TNRC6C: variants seen among roughly 807,000 people sequenced by gnomAD.
TNRC6C encodes trinucleotide repeat containing adaptor 6C, also known as trinucleotide repeat-containing gene 6C protein.
A neutral mutation model predicts 153.7 loss-of-function variants in TNRC6C; 20 were observed. That is an observed-to-expected ratio of 0.13 (90% CI 0.09 to 0.19). The LOEUF (loss-of-function observed/expected upper bound fraction) is 0.19, where lower values mean the gene tolerates loss of function less well. TNRC6C is among the 10% of genes least tolerant of loss of function. The probability of loss-of-function intolerance (pLI) is 1.00; values close to 1 mark genes in which losing one functional copy is unlikely to be tolerated. For missense variants in TNRC6C, 1,987 were observed against 2,172.0 expected (o/e 0.91, Z 1.69); for synonymous variants, 811 against 841.4 (o/e 0.96, Z 0.63).
chr17:78,097,548 C>T (rs1375320088), intron 16 of TNRC6C, among the ~76,000 whole-genome samples, 197 bp from the exon 19 acceptor site: 2 of 152,184 alleles, frequency 1.3e-5, no homozygotes, highest in Admixed American at 1.3e-4. Flanking sequence ...CCCAGGCCTC[C>T]CTGAGTGGGT....
rs780337093 is a variant in TNRC6C at position 78,093,134 on chromosome 17, T to C, written c.4162+10T>C. 2 of 1,611,670 alleles carry C rather than the reference T, an allele frequency of 1.2e-6. No individual in the cohort carries two copies. Among genetic ancestry groups the C allele is most frequent in the Non-Finnish European group, 1.7e-6 (2 of 1,179,472 alleles). On this transcript the variant is annotated intron_variant, in intron 15 of 19. Coordinates refer to ENST00000301624, the Ensembl canonical transcript of TNRC6C. ...ATCAACTGGCCCCCAGGTAAGACCA[T>C]GCAACACTTCTGTGCAACAGCAGCA...
chr17:78,019,354 A>G (rs552519095), intron 1 of TNRC6C, among the ~76,000 whole-genome samples: 67 of 152,336 alleles, frequency 4.4e-4, no homozygotes, highest in South Asian at 1.2e-3. Flanking sequence ...CAAGTTCTCC[A>G]AAGTCTGAAG....
At chr17:78,034,363 G>A (rs2072137592) in intron 2 of TNRC6C, among the ~76,000 whole-genome samples, 1 of 151,922 alleles carries the variant, frequency 6.6e-6, no homozygotes, top group Admixed American at 6.6e-5. Context: ...CAGCCTCCAT[G>A]GCCTACTTTC....
chr17:78,072,008 C>G (rs980987861), intron 6 of TNRC6C, among the ~76,000 whole-genome samples: 1 of 152,200 alleles, frequency 6.6e-6, no homozygotes, highest in African/African-American at 2.4e-5. Flanking sequence ...GCCATGTATT[C>G]GCTTCATGGG....
At chr17:78,028,083 A>ATTTTT (rs2071980123) in intron 1 of TNRC6C, among the ~76,000 whole-genome samples, 3 of 152,130 alleles carry the variant, frequency 2.0e-5, no homozygotes, top group Middle Eastern at 3.4e-3. Context: ...TATTTTTAGT[A>ATTTTT]GAGACAGGGT....
exon 20 of TNRC6C, chr17:78,108,259 C>T (rs902302145): frequency 6.5e-5 from 10 of 154,442 alleles, no homozygotes; most frequent in African/African-American, 2.4e-4. Flanking sequence ...TGGCCCCCCC[C>T]CACCCATGGG....
intron 3 of TNRC6C, among the ~76,000 whole-genome samples, chr17:78,060,720 CTTAA>C (rs1158336984): frequency 6.6e-6 from 1 of 152,112 alleles, no homozygotes; most frequent in Non-Finnish European, 1.5e-5. Flanking sequence ...ATCATATACT[CTTAA>C]TTAATTACAA....
intron 13 of TNRC6C, among the ~76,000 whole-genome samples, chr17:78,090,507 T>C (rs1567962585): frequency 6.6e-6 from 1 of 152,212 alleles, no homozygotes; most frequent in Non-Finnish European, 1.5e-5. Flanking sequence ...TAAGGGGAAC[T>C]GCAGCTGGAA....
At chr17:78,066,150 G>C (rs1173666289) in intron 4 of TNRC6C, 2 of 151,648 alleles carry the variant, frequency 1.3e-5, no homozygotes, top group African/African-American at 4.9e-5. Flanking sequence ...AGAATCGCTT[G>C]AACCCGGGAG....
chr17:78,104,548 C>T lies in TNRC6C; in HGVS notation c.4776C>T (p.Phe1592=). 6.5e-7 allele frequency: 1 copy of T among 1,549,314 alleles called. No individual in the cohort carries two copies. Among genetic ancestry groups the T allele is most frequent in the Non-Finnish European group, 8.7e-7 (1 of 1,145,066 alleles). Residue 1592 remains phenylalanine (F), a synonymous_variant, in exon 20 of 20, where the codon TTC becomes TTT. Transcript: ENST00000301624. This position sits in a 1 kb window ranked among gnomAD's most constrained non-coding sequence, Gnocchi z 6.2. Reference sequence around the variant, plus strand: ...CTGGTGAAGAAGAAGTGAATCGCTTCTTAGCCCAAGGCCAGGCGCTGCCAC... The same window carrying T: ...CTGGTGAAGAAGAAGTGAATCGCTTTTTAGCCCAAGGCCAGGCGCTGCCAC...
At chr17:78,095,046 C>G (rs2073460020) in intron 16 of TNRC6C, among the ~76,000 whole-genome samples, 1 of 152,184 alleles carries the variant, frequency 6.6e-6, no homozygotes, top group South Asian at 2.1e-4. Context: ...TTGTGCCAGA[C>G]AGGAAAATTA....
chr17:78,027,827 G>A (rs1339608543), intron 1 of TNRC6C, among the ~76,000 whole-genome samples: 5 of 152,018 alleles, frequency 3.3e-5, no homozygotes, highest in Non-Finnish European at 7.3e-5. Flanking sequence ...TACAGTATTA[G>A]CCTTAGATAG....
intron 18 of TNRC6C, 25 bp from the exon 22 acceptor site, chr17:78,103,389 C>T (rs1456481266): frequency 6.2e-7 from 1 of 1,611,520 alleles, no homozygotes; most frequent in Non-Finnish European, 8.5e-7. Flanking sequence ...AAAGCTCATT[C>T]ATGTCCCTGT....
chr17:78,057,077 G>A (rs1479079837), intron 3 of TNRC6C, among the ~76,000 whole-genome samples: 1 of 152,268 alleles, frequency 6.6e-6, no homozygotes, highest in Non-Finnish European at 1.5e-5. Context: ...CCAATTAAAA[G>A]AGACAAATAA....
chr17:78,057,699 G>A (rs1031950189), intron 3 of TNRC6C, among the ~76,000 whole-genome samples: 4 of 152,186 alleles, frequency 2.6e-5, no homozygotes, highest in African/African-American at 9.7e-5. Context: ...TTCAGCATAG[G>A]TTGACCTATG....
chr17:78,086,723 G>C, intron 12 of TNRC6C, 130 bp from the exon 15 acceptor site: 1 of 1,566,294 alleles, frequency 6.4e-7, no homozygotes, highest in Admixed American at 1.7e-5. Context: ...GGTTCAGCTA[G>C]GTTTGGGAGG....
intron 2 of TNRC6C, among the ~76,000 whole-genome samples, chr17:78,045,263 T>G (rs2072384248): frequency 1.3e-5 from 2 of 152,134 alleles, no homozygotes; most frequent in South Asian, 4.1e-4. Flanking sequence ...ATTTCTTGTT[T>G]TAATGGAAAA....
At chr17:78,003,797 G>A (rs1345000809), upstream of TNRC6C, among the ~76,000 whole-genome samples, 8 of 152,280 alleles carry the variant, frequency 5.3e-5, no homozygotes, top group South Asian at 2.1e-4. Flanking sequence ...GGCTTGGTGC[G>A]TCACACTGGT....
chr17:78,029,797 T>C (rs567285248), intron 1 of TNRC6C, among the ~76,000 whole-genome samples: 42 of 137,588 alleles, frequency 3.1e-4, no homozygotes, highest in African/African-American at 1.2e-3. Context: ...TTTAAACTTA[T>C]TAAAAACCTA....
Sources: allele counts gnomAD v4.1 joint callset (sites outside exome capture counted in the v4.1 genomes callset), GRCh38; gene constraint gnomAD v4.1.1; non-coding constraint Gnocchi (gnomAD v3.1); transcripts MANE v1.5; gene names NCBI Gene and HGNC (gene_info 2026-07-23, HGNC 2026-07-21).